Variants in PCDH15 observed in about 807,000 individuals in gnomAD.
PCDH15 encodes protocadherin related 15, also known as protocadherin-15.
PCDH15 carries 129 observed loss-of-function variants against 178.5 expected under a neutral mutation model. The observed-to-expected ratio is 0.72, with a 90% CI of 0.63 to 0.84. PCDH15 has a LOEUF of 0.84. Among genes scored for constraint, PCDH15 ranks in the 40% least tolerant of loss-of-function variants. The probability of loss-of-function intolerance (pLI) is 0.00; values close to 1 mark genes in which losing one functional copy is unlikely to be tolerated. For missense variants in PCDH15, 2,230 were observed against 2,099.9 expected (o/e 1.06, Z -1.21); for synonymous variants, 800 against 732.0 (o/e 1.09, Z -1.50).
chr10:53,920,637 T>C (rs951022972), intron 25 of PCDH15, among the ~76,000 whole-genome samples: 1 of 152,202 alleles, frequency 6.6e-6, no homozygotes, highest in African/African-American at 2.4e-5. Context: ...CACGAAACTC[T>C]TGAACTTTAT....
At chr10:55,324,053 G>C (rs1227946555), upstream of PCDH15, among the ~76,000 whole-genome samples, 2 of 152,052 alleles carry the variant, frequency 1.3e-5, no homozygotes, top group South Asian at 4.1e-4. Context: ...GAGTTCCACT[G>C]CACAAGTTCT....
intron 2 of PCDH15, among the ~76,000 whole-genome samples, chr10:55,396,878 GGTAA>G (rs1048674548): frequency 4.6e-5 from 7 of 152,066 alleles, no homozygotes; most frequent in African/African-American, 1.7e-4. Flanking sequence ...GAAAGGTTGG[GGTAA>G]GTAATTTCCT....
At chr10:55,302,537 A>T (rs1289551572) in intron 1 of PCDH15, among the ~76,000 whole-genome samples, 1 of 152,140 alleles carries the variant, frequency 6.6e-6, no homozygotes, top group Admixed American at 6.6e-5. Context: ...GACAGGCTGT[A>T]GGCAGATTTC....
intron 2 of PCDH15, among the ~76,000 whole-genome samples, chr10:54,597,542 GAAGC>G (rs987613618): frequency 7.9e-5 from 12 of 151,682 alleles, no homozygotes; most frequent in Non-Finnish European, 1.3e-4. Flanking sequence ...AAAAGCTACA[GAAGC>G]AAGAGAAAAA....
chr10:54,397,781 A>C (rs372586673), intron 3 of PCDH15, among the ~76,000 whole-genome samples: 2 of 152,114 alleles, frequency 1.3e-5, no homozygotes, highest in East Asian at 1.9e-4. Context: ...AAATTCTTAC[A>C]TATTAGCCAA....
intron 9 of PCDH15, among the ~76,000 whole-genome samples, chr10:54,220,913 T>G (rs948894547): frequency 5.9e-5 from 9 of 151,844 alleles, no homozygotes; most frequent in Non-Finnish European, 1.5e-5. Flanking sequence ...TAAAACCAAG[T>G]GAAATTTATT....
chr10:55,097,966 G>C (rs1476198396), intron 2 of PCDH15, among the ~76,000 whole-genome samples: 1 of 151,988 alleles, frequency 6.6e-6, no homozygotes, highest in African/African-American at 2.4e-5. Flanking sequence ...AAGCAGACAA[G>C]ATAATGAAAG....
intron 1 of PCDH15, among the ~76,000 whole-genome samples, chr10:54,749,938 CT>C (rs921148007): frequency 3.3e-5 from 5 of 151,842 alleles, no homozygotes; most frequent in East Asian, 1.9e-4. Flanking sequence ...TGAATTAAAA[CT>C]TTTTTTTAAC....
chr10:55,210,707 C>A (rs1216374869), intron 1 of PCDH15, among the ~76,000 whole-genome samples: 2 of 130,900 alleles, frequency 1.5e-5, no homozygotes, highest in Non-Finnish European at 3.1e-5. Context: ...CGGCTCACTG[C>A]AATCTCTGCC....
At chr10:54,289,703 T>C (rs2059270781) in intron 8 of PCDH15, among the ~76,000 whole-genome samples, 1 of 152,134 alleles carries the variant, frequency 6.6e-6, no homozygotes, top group African/African-American at 2.4e-5. Context: ...AGACCTTAAA[T>C]GAACTGATGG....
At chr10:55,529,309 A>G in intron 2 of PCDH15, among the ~76,000 whole-genome samples, 1 of 152,066 alleles carries the variant, frequency 6.6e-6, no homozygotes, top group East Asian at 1.9e-4. Context: ...GCCCATGCCT[A>G]TGTCCTGAAT....
intron 2 of PCDH15, among the ~76,000 whole-genome samples, chr10:55,480,457 G>C (rs1840155889): frequency 6.6e-6 from 1 of 151,614 alleles, no homozygotes; most frequent in African/African-American, 2.4e-5. Flanking sequence ...TAAGATGTTG[G>C]TGGTGAGTCT....
chr10:55,379,486 A>G (rs1346678121), intron 2 of PCDH15, among the ~76,000 whole-genome samples: 1 of 152,138 alleles, frequency 6.6e-6, no homozygotes, highest in East Asian at 1.9e-4. Context: ...ATGATCAATT[A>G]TTTAGTACAT....
At position 55,219,880 on chromosome 10, in the gene PCDH15, T is replaced by TCACACACA. The variant is rs71461286; in HGVS notation, c.-155-53237_-155-53230dup. 6.9e-3 allele frequency among the ~76,000 whole-genome samples: 995 copies of TCACACACA among 144,122 alleles called. 12 individuals are homozygous for TCACACACA. Among genetic ancestry groups the TCACACACA allele is most frequent in the South Asian group, 0.026 (114 of 4,464 alleles). 94.5% of individuals were successfully genotyped at this position (144,122 alleles called of 152,430 possible). On this transcript the variant is annotated intron_variant, in intron 1 of 5. Coordinates refer to the PCDH15 transcript ENST00000458638. ...TTAGGCCTAGCGATCCTGATATCAG[T>TCACACACA]CACACACACACACACACACACACAC...
At chr10:54,589,758 C>T (rs1194181051) in intron 2 of PCDH15, among the ~76,000 whole-genome samples, 3 of 151,978 alleles carry the variant, frequency 2.0e-5, no homozygotes, top group South Asian at 2.1e-4. Flanking sequence ...CCACCACACC[C>T]GGCTAATTTT....
intron 2 of PCDH15, among the ~76,000 whole-genome samples, chr10:55,485,152 T>C (rs1840269593): frequency 6.6e-6 from 1 of 151,734 alleles, no homozygotes. Context: ...AAATGATTCA[T>C]GTTTAGAATG....
chr10:54,839,629 GAA>G (rs1408378752), intron 3 of PCDH15, among the ~76,000 whole-genome samples: 4 of 151,988 alleles, frequency 2.6e-5, no homozygotes, highest in African/African-American at 7.2e-5. Flanking sequence ...CAAATTTTGG[GAA>G]AGATATAGAC....
intron 2 of PCDH15, among the ~76,000 whole-genome samples, chr10:54,628,993 A>T (rs2093632088): frequency 6.6e-6 from 1 of 151,714 alleles, no homozygotes; most frequent in Non-Finnish European, 1.5e-5. Flanking sequence ...CACACACACA[A>T]TTTTTTTGGT....
intron 2 of PCDH15, among the ~76,000 whole-genome samples, chr10:55,624,023 T>A (rs1262804439): frequency 6.6e-6 from 1 of 150,668 alleles, no homozygotes; most frequent in African/African-American, 2.5e-5. Flanking sequence ...ATTCTTTATA[T>A]TTTTTTACAT....
Sources: allele counts gnomAD v4.1 joint callset (sites outside exome capture counted in the v4.1 genomes callset), GRCh38; gene constraint gnomAD v4.1.1; transcripts MANE v1.5; gene names NCBI Gene and HGNC (gene_info 2026-07-23, HGNC 2026-07-21).